The following KDM2A variants were observed in gnomAD, a reference collection of about 807,000 sequenced individuals.
KDM2A encodes lysine demethylase 2A.
KDM2A carries 3 observed loss-of-function variants against 137.3 expected under a neutral mutation model. That is an observed-to-expected ratio of 0.02 (90% CI 0.01 to 0.06). The LOEUF (loss-of-function observed/expected upper bound fraction) is 0.06. Ranked by LOEUF, KDM2A falls within the 10% of genes least tolerant of loss-of-function variation. The pLI is 1.00. For missense variants in KDM2A, 738 were observed against 1,510.6 expected, an observed-to-expected ratio of 0.49 and a Z score of 8.48; for synonymous variants, 512 against 541.5, an observed-to-expected ratio of 0.95 and a Z score of 0.76.
chr11:67,234,399 AT>A (rs1858807624), intron 12 of KDM2A, among the ~76,000 whole-genome samples: 1 of 152,214 alleles, frequency 6.6e-6, no homozygotes. Context: ...TTCAGGAATA[AT>A]TAGTAGAAGA....
intron 6 of KDM2A, among the ~76,000 whole-genome samples, chr11:67,211,024 T>G (rs971134943): frequency 2.0e-5 from 3 of 151,996 alleles, no homozygotes; most frequent in African/African-American, 7.3e-5. Flanking sequence ...GCCACTACAC[T>G]CCAGCCTGGG....
intron 5 of KDM2A, among the ~76,000 whole-genome samples, chr11:67,200,373 G>A (rs1462382092): frequency 3.3e-5 from 5 of 151,986 alleles, no homozygotes; most frequent in Non-Finnish European, 5.9e-5. Context: ...CCGCCACCAC[G>A]TCCGGCTAAT....
In KDM2A at chr11:67,250,359, G is replaced by A; in HGVS notation, c.2329G>A (p.Glu777Lys). The change falls in exon 17 of 21, where the codon GAG becomes AAG. Residue 777 changes from glutamate to lysine, a missense_variant. Glu to Lys is a moderately conservative substitution (Grantham distance 56). Coordinates refer to ENST00000529006, the MANE Select transcript of KDM2A (RefSeq NM_012308.3). The surrounding 1 kb of genome is among the most constrained non-coding windows in gnomAD (Gnocchi z 7.1). ...ATERTMVREK[E>K]NNPSGKKELS... ...AGAGCGCACCATGGTACGGGAAAAG[G>A]AGAACAATCCCAGCGGCAAAAAGGA... The A allele has an allele frequency of 6.2e-7, 1 of 1,613,982 alleles. No homozygotes were observed. The highest frequency in any genetic ancestry group is 8.5e-7 in the Non-Finnish European group (1 of 1,179,894).
At chr11:67,188,255 G>A (rs1049310617) in intron 5 of KDM2A, among the ~76,000 whole-genome samples, 1 of 152,010 alleles carries the variant, frequency 6.6e-6, no homozygotes. Flanking sequence ...GGCCGAGGCA[G>A]GCAGATCACA....
intron 5 of KDM2A, among the ~76,000 whole-genome samples, chr11:67,205,632 G>T (rs776538118): frequency 9.2e-5 from 14 of 151,836 alleles, no homozygotes; most frequent in Non-Finnish European, 1.9e-4. Flanking sequence ...TGTTTTGTGT[G>T]TGTGTATGTT....
At position 67,217,178 on chromosome 11, in the gene KDM2A, G is replaced by A. The variant is rs564374641; in HGVS notation, c.688-553G>A. Among the ~76,000 whole-genome samples the A allele has an allele frequency of 7.2e-4, 107 of 148,934 alleles. 1 individual carries two copies. Among genetic ancestry groups the A allele is most frequent in the Non-Finnish European group, 1.3e-3 (85 of 67,706 alleles). On this transcript the variant is annotated intron_variant, in intron 8 of 20. Transcript: ENST00000529006. Reference sequence around the variant, plus strand: ...AATCGCTTGAACCCAGGAGGTGGAGGTTACGGTGAGCCAAGATTGTGCCAC... The same window carrying A: ...AATCGCTTGAACCCAGGAGGTGGAGATTACGGTGAGCCAAGATTGTGCCAC...
Position 67,250,540 on chromosome 11 carries a change from T to C in KDM2A, c.2510T>C (p.Val837Ala). Reference protein sequence around the residue: ...ANLRHSPRVLVQHCPARTPQR... With the variant: ...ANLRHSPRVLAQHCPARTPQR... ...CTTCGCCATTCCCCCCGTGTGCTAGTGCAGCACTGCCCAGCCCGAACCCCC... is the reference window on the plus strand; with the variant it reads ...CTTCGCCATTCCCCCCGTGTGCTAGCGCAGCACTGCCCAGCCCGAACCCCC... Residue 837 changes from valine to alanine, a missense_variant, in exon 17 of 21, where the codon GTG becomes GCG. Coordinates refer to ENST00000529006, the MANE Select transcript of KDM2A (RefSeq NM_012308.3). This position sits in a 1 kb window ranked among gnomAD's most constrained non-coding sequence, Gnocchi z 7.1. 6.2e-7 allele frequency: 1 copy of C among 1,613,814 alleles called. No homozygotes were observed. The highest frequency in any genetic ancestry group is 1.3e-5 in the African/African-American group (1 of 74,992).
intron 2 of KDM2A, among the ~76,000 whole-genome samples, chr11:67,131,114 C>G (rs577099375): frequency 2.6e-5 from 4 of 152,164 alleles, no homozygotes; most frequent in Admixed American, 2.6e-4. Flanking sequence ...TGCCTGAGGT[C>G]AGGAGTTCAA....
chr11:67,199,827 C>G (rs1857573896), intron 5 of KDM2A, among the ~76,000 whole-genome samples: 2 of 152,122 alleles, frequency 1.3e-5, no homozygotes, highest in Admixed American at 1.3e-4. Flanking sequence ...AATGAAACAG[C>G]CTTCTATTGG....
intron 10 of KDM2A, among the ~76,000 whole-genome samples, chr11:67,219,939 C>CT (rs1244436142): frequency 6.6e-6 from 1 of 151,924 alleles, no homozygotes; most frequent in African/African-American, 2.4e-5. Context: ...TTTTTCTTTC[C>CT]TTTTTTTAAA....
At chr11:67,199,583 A>T (rs1223804843) in intron 5 of KDM2A, among the ~76,000 whole-genome samples, 4 of 152,226 alleles carry the variant, frequency 2.6e-5, no homozygotes, top group African/African-American at 9.6e-5. Flanking sequence ...AGCCACAGTA[A>T]AGCCCTGATT....
At chr11:67,192,547 C>T (rs1023199705) in intron 5 of KDM2A, among the ~76,000 whole-genome samples, 5 of 142,716 alleles carry the variant, frequency 3.5e-5, no homozygotes, top group East Asian at 2.1e-4. Flanking sequence ...CAGGTTCAAG[C>T]GATTCTCCTG....
At chr11:67,152,600 C>T (rs1392158874) in intron 2 of KDM2A, among the ~76,000 whole-genome samples, 1 of 151,310 alleles carries the variant, frequency 6.6e-6, no homozygotes, top group Non-Finnish European at 1.5e-5. Flanking sequence ...AGAGTAAGAC[C>T]CTGTTACAAA....
chr11:67,222,118 C>A (rs1590801042), intron 10 of KDM2A, among the ~76,000 whole-genome samples: 1 of 97,358 alleles, frequency 1.0e-5, no homozygotes, highest in Admixed American at 1.2e-4. Context: ...GTGTTTCTCA[C>A]AGAGGGGGAT....
chr11:67,182,707 A>G (rs1857117938), intron 5 of KDM2A, among the ~76,000 whole-genome samples: 1 of 151,758 alleles, frequency 6.6e-6, no homozygotes, highest in African/African-American at 2.4e-5. Context: ...TAATTTTTGT[A>G]TTTTTAGTAG....
chr11:67,203,456 TTTATTAA>T (rs1170558442), intron 5 of KDM2A, among the ~76,000 whole-genome samples: 1 of 4,874 alleles, frequency 2.1e-4, no homozygotes, highest in African/African-American at 3.9e-4. Flanking sequence ...TATAATTATA[TTTATTAA>T]TTATTAATAA....
chr11:67,119,927 C>T lies in KDM2A; in HGVS notation c.-206C>T, dbSNP rs1251646496. 6.6e-6 allele frequency: 1 copy of T among 152,196 alleles called. No individual in the cohort carries two copies. Among genetic ancestry groups the T allele is most frequent in the African/African-American group, 2.4e-5 (1 of 41,440 alleles). The allele number at this position is 152,196 out of a possible 1,614,324, so 9.4% of individuals were successfully genotyped here. ...GCTCCCTTTTCCTGGTCGCTCTGAC[C>T]CTCTCTGGATACTGGGTTGATCCAC... On this transcript the variant is annotated 5_prime_UTR_variant, in exon 1 of 21. Coordinates refer to ENST00000529006, the MANE Select transcript of KDM2A (RefSeq NM_012308.3).
chr11:67,233,869 T>C (rs1366205328), intron 12 of KDM2A, among the ~76,000 whole-genome samples: 2 of 152,120 alleles, frequency 1.3e-5, no homozygotes, highest in Non-Finnish European at 2.9e-5. Context: ...AGCTTGCTTG[T>C]GTTTATCAGG....
At chr11:67,127,894 C>G (rs1242528610) in intron 2 of KDM2A, among the ~76,000 whole-genome samples, 1 of 151,512 alleles carries the variant, frequency 6.6e-6, no homozygotes, top group South Asian at 2.1e-4. Flanking sequence ...TTGGTAGAGA[C>G]GGGGTTTCAC....
Sources: allele counts gnomAD v4.1 joint callset (sites outside exome capture counted in the v4.1 genomes callset), GRCh38; gene constraint gnomAD v4.1.1; non-coding constraint Gnocchi (gnomAD v3.1); transcripts MANE v1.5; gene names NCBI Gene and HGNC (gene_info 2026-07-23, HGNC 2026-07-21).